The following DCDC2C variants were observed in gnomAD, a reference collection of about 807,000 sequenced individuals.
DCDC2C encodes the protein doublecortin domain-containing protein 2C.
Under a neutral mutation model 45.0 loss-of-function variants are expected in DCDC2C, and 44 were observed. That is an observed-to-expected ratio of 0.98 (90% CI 0.77 to 1.26). DCDC2C has a LOEUF of 1.26. Ranked by LOEUF, DCDC2C falls within the 50% of genes most tolerant of loss-of-function variation. The pLI is 0.00. For synonymous variants in DCDC2C, 187 were observed against 178.8 expected (o/e 1.05, Z -0.37); for missense variants, 447 against 468.9 (o/e 0.95, Z 0.43).
chr2:3,785,053 T>C lies in DCDC2C; in HGVS notation c.1024-6T>C. ...GTTGATTCCTATATTTGTTTTTTCA[T>C]ACTAGGATAAAGAAGATGCAAGGCT... On this transcript the variant is annotated splice_polypyrimidine_tract_variant and splice_region_variant and intron_variant, in intron 9 of 10. Transcript: ENST00000399143. 8.1e-7 allele frequency: 1 copy of C among 1,231,474 alleles called. No homozygotes were observed. The highest frequency in any genetic ancestry group is 1.0e-6 in the Non-Finnish European group (1 of 987,734). 76.3% of individuals were successfully genotyped at this position (1,231,474 alleles called of 1,614,324 possible). A position where few individuals can be genotyped will look rare whatever the true frequency, so the allele number is the denominator to read the frequency against.
At chr2:3,725,477 CA>C (rs1558564516) in intron 2 of DCDC2C, among the ~76,000 whole-genome samples, 27 of 28,824 alleles carry the variant, frequency 9.4e-4, no homozygotes, top group East Asian at 5.7e-3. Flanking sequence ...CGGTGGATCC[CA>C]GAGGAAGACG....
chr2:3,730,592 T>G (rs1235651081), intron 3 of DCDC2C, among the ~76,000 whole-genome samples: 2 of 152,128 alleles, frequency 1.3e-5, no homozygotes, highest in Non-Finnish European at 2.9e-5. Context: ...CCCCCCGAGC[T>G]TCCACAGCCC....
In DCDC2C at chr2:3,773,016, T is replaced by G. The variant is rs1355885719; in HGVS notation, c.954+3605T>G. 2.6e-5 allele frequency among the ~76,000 whole-genome samples: 4 copies of G among 152,214 alleles called. No individual in the cohort carries two copies. The East Asian group carries it at 7.7e-4, about 29-fold the overall frequency. ...GAAGCGGTAACCTGAGTTAATCCAGTGATCTCAGTTACCTGGGTCATCAAA... is the reference window on the plus strand; with the variant it reads ...GAAGCGGTAACCTGAGTTAATCCAGGGATCTCAGTTACCTGGGTCATCAAA... On this transcript the variant is annotated intron_variant, in intron 8 of 10. Transcript: ENST00000399143.
intron 9 of DCDC2C, among the ~76,000 whole-genome samples, chr2:3,781,164 T>C (rs933506707): frequency 6.6e-6 from 1 of 152,264 alleles, no homozygotes; most frequent in Non-Finnish European, 1.5e-5. Context: ...AAGCGTTTTA[T>C]ATGCATTATA....
intron 9 of DCDC2C, among the ~76,000 whole-genome samples, chr2:3,779,360 G>T (rs139539981): frequency 4.6e-5 from 7 of 152,200 alleles, no homozygotes; most frequent in Non-Finnish European, 8.8e-5. Context: ...GGAAGCCAGC[G>T]CAGGACGCTT....
intron 6 of DCDC2C, among the ~76,000 whole-genome samples, chr2:3,755,661 G>A (rs145407965): frequency 1.0e-3 from 153 of 152,176 alleles, no homozygotes; most frequent in Non-Finnish European, 1.8e-3. Flanking sequence ...GTGTACATAT[G>A]GATGCATATG....
chr2:3,726,316 C>T (rs577528312), intron 2 of DCDC2C, among the ~76,000 whole-genome samples: 6 of 152,170 alleles, frequency 3.9e-5, no homozygotes, highest in Admixed American at 3.9e-4. Flanking sequence ...GGTTAACATC[C>T]CTTCCCAATC....
At chr2:3,816,781 T>A (rs1167357364) in intron 10 of DCDC2C, among the ~76,000 whole-genome samples, 1 of 152,158 alleles carries the variant, frequency 6.6e-6, no homozygotes, top group East Asian at 1.9e-4. Context: ...AATTTGCCAG[T>A]CCTGGGCAGG....
At position 3,793,288 on chromosome 2, in the gene DCDC2C, A is replaced by G. The variant is rs1276265340; in HGVS notation, c.1065+8188A>G. ...GGTAAATATTGTAGGCACAGATTGC[A>G]TATGAACTTGACAAGCCGTCTGTAT... On this transcript the variant is annotated intron_variant, in intron 10 of 10. Coordinates refer to ENST00000399143, the MANE Select transcript of DCDC2C (RefSeq NM_001287444.2). 3.9e-5 allele frequency among the ~76,000 whole-genome samples: 6 copies of G among 152,246 alleles called. No individual in the cohort carries two copies. The East Asian group carries it at 7.7e-4, about 20-fold the overall frequency.
chr2:3,726,912 A>C (rs1668705729), intron 2 of DCDC2C, 91 bp from the exon 3 acceptor site: 2 of 1,165,758 alleles, frequency 1.7e-6, no homozygotes, highest in African/African-American at 1.5e-5. Flanking sequence ...CCCCTTTCTT[A>C]TGTTTTAGGG....
intron 4 of DCDC2C, among the ~76,000 whole-genome samples, chr2:3,746,868 G>A (rs1424699562): frequency 1.3e-5 from 2 of 152,136 alleles, no homozygotes; most frequent in Non-Finnish European, 2.9e-5. Flanking sequence ...TAGAGGTGGC[G>A]GATCTGTCCT....
chr2:3,771,879 C>T lies in DCDC2C; in HGVS notation c.954+2468C>T, dbSNP rs375072773. On this transcript the variant is annotated intron_variant, in intron 8 of 10. Transcript: ENST00000399143. ...TGGACACAGGGAAGGTGCGTATATCCGTGTCGTGAGAACTTTCCAGGCCAT... is the reference window on the plus strand; with the variant it reads ...TGGACACAGGGAAGGTGCGTATATCTGTGTCGTGAGAACTTTCCAGGCCAT... Among the ~76,000 whole-genome samples, 6 of 152,352 alleles carry T rather than the reference C, an allele frequency of 3.9e-5. No individual in the cohort carries two copies. In the East Asian group the frequency reaches 9.7e-4, roughly 25 times the overall value.
At position 3,715,544 on chromosome 2, in the gene DCDC2C, C is replaced by T. The variant is rs138253418; in HGVS notation, c.339+6944C>T. Among the ~76,000 whole-genome samples, 1,090 of 151,344 alleles carry T rather than the reference C, an allele frequency of 7.2e-3. 15 individuals carry two copies. The highest frequency in any genetic ancestry group is 0.025 in the African/African-American group (1,007 of 41,058). ...GAAATAGGGGTTAAATGTAATTATG[C>T]ATGTATTCTGCTCATCACAACATCC... On this transcript the variant is annotated intron_variant, in intron 2 of 10. Coordinates refer to ENST00000399143, the MANE Select transcript of DCDC2C (RefSeq NM_001287444.2).
chr2:3,839,484 G>A (rs1672156847), intron 10 of DCDC2C, among the ~76,000 whole-genome samples: 1 of 152,126 alleles, frequency 6.6e-6, no homozygotes, highest in African/African-American at 2.4e-5. Context: ...ACTTTAAAAT[G>A]TACAATTGAG....
intron 4 of DCDC2C, 106 bp from the exon 5 acceptor site, chr2:3,752,657 C>T (rs998157848): frequency 2.2e-6 from 3 of 1,343,696 alleles, no homozygotes; most frequent in African/African-American, 2.9e-5. Flanking sequence ...CACTGTTTCT[C>T]CAGCGGTCCA....
chr2:3,847,255 T>G lies in DCDC2C; in HGVS notation c.*72T>G. 2 of 1,059,336 alleles carry G rather than the reference T, an allele frequency of 1.9e-6. No individual in the cohort carries two copies. Among genetic ancestry groups the G allele is most frequent in the Middle Eastern group, 6.9e-4 (2 of 2,882 alleles). The allele number at this position is 1,059,336 out of a possible 1,614,324, so 65.6% of individuals were successfully genotyped here. A position where few individuals can be genotyped will look rare whatever the true frequency, so the allele number is the denominator to read the frequency against. On this transcript the variant is annotated 3_prime_UTR_variant, in exon 11 of 11. Coordinates refer to ENST00000399143, the MANE Select transcript of DCDC2C (RefSeq NM_001287444.2). The stretch of plus-strand genomic sequence containing the variant: ...GGGGCTTCCACGTCACATATGGACA[T>G]TTTAACAGCAAGAAAATCACATGTG...
rs966107262 is a variant in DCDC2C at position 3,798,061 on chromosome 2, A to G, written c.1065+12961A>G. Among the ~76,000 whole-genome samples the G allele has an allele frequency of 4.6e-5, 7 of 151,862 alleles. No homozygotes were observed. The South Asian group carries it at 6.3e-4, about 14-fold the overall frequency. On this transcript the variant is annotated intron_variant, in intron 10 of 10. Coordinates refer to ENST00000399143, the MANE Select transcript of DCDC2C (RefSeq NM_001287444.2). The stretch of plus-strand genomic sequence containing the variant: ...TTATGAATCTGGGTGCTCCTGTATT[A>G]GGTGCATATATATTTAGGATAGTTA...
chr2:3,805,651 G>A (rs535641944), intron 10 of DCDC2C, among the ~76,000 whole-genome samples: 2 of 152,186 alleles, frequency 1.3e-5, no homozygotes, highest in Non-Finnish European at 2.9e-5. Context: ...TTAGGTTTTC[G>A]CAAATACGTT....
At chr2:3,723,585 G>T (rs775603131) in intron 2 of DCDC2C, among the ~76,000 whole-genome samples, 2 of 152,162 alleles carry the variant, frequency 1.3e-5, no homozygotes, top group Non-Finnish European at 1.5e-5. Context: ...AGTGTGAGGG[G>T]TAGGTAGAGT....
Sources: gnomAD v4.1 joint callset for allele counts (sites outside exome capture counted in the v4.1 genomes callset) on GRCh38, gnomAD v4.1.1 for gene constraint, MANE v1.5 for transcripts, NCBI Gene and HGNC (gene_info 2026-07-23, HGNC 2026-07-21) for gene names.